Variants in NLRP9 observed in about 807,000 individuals in gnomAD.
NLRP9 encodes NLR family pyrin domain containing 9.
A neutral mutation model predicts 83.1 loss-of-function variants in NLRP9; 88 were observed. That is an observed-to-expected ratio of 1.06 (90% CI 0.89 to 1.26). The LOEUF (loss-of-function observed/expected upper bound fraction) is 1.26. NLRP9 is among the 50% of genes most tolerant of loss of function. The pLI is 0.00. For missense variants in NLRP9, 1,308 were observed against 1,179.3 expected (o/e 1.11, Z -1.60); for synonymous variants, 521 against 447.6 (o/e 1.16, Z -2.07).
Position 55,735,391 on chromosome 19 carries a change from G to A in NLRP9, c.281-1841C>T, listed in dbSNP as rs117542504. 9.5e-3 allele frequency among the ~76,000 whole-genome samples: 1,453 copies of A among 152,186 alleles called. 11 individuals are homozygous for A. The highest frequency in any genetic ancestry group is 0.011 in the Non-Finnish European group (775 of 68,012). On this transcript the variant is annotated intron_variant, in intron 1 of 8. Coordinates refer to ENST00000332836, the MANE Select transcript of NLRP9 (RefSeq NM_176820.4). The stretch of plus-strand genomic sequence containing the variant: ...GCACTTGAGGCCAGGAGTTCAAGAC[G>A]AGCTTGGCCAACATAGTGAGACTCC...
chr19:55,730,812 G>A (rs556226467), intron 2 of NLRP9, among the ~76,000 whole-genome samples: 7 of 152,042 alleles, frequency 4.6e-5, no homozygotes, highest in African/African-American at 1.7e-4. Flanking sequence ...GTGGATATCG[G>A]GCTTGATACC....
At chr19:55,731,221 G>A (rs1402903511) in intron 2 of NLRP9, among the ~76,000 whole-genome samples, 1 of 152,104 alleles carries the variant, frequency 6.6e-6, no homozygotes, top group Non-Finnish European at 1.5e-5. Flanking sequence ...AAAATCAGCA[G>A]AGGGAAAAGG....
At chr19:55,726,403 TG>T (rs1263715967) in intron 3 of NLRP9, among the ~76,000 whole-genome samples, 1 of 152,196 alleles carries the variant, frequency 6.6e-6, no homozygotes, top group Non-Finnish European at 1.5e-5. Context: ...TGATAAAAAA[TG>T]CAATTGCTGA....
intron 8 of NLRP9, chr19:55,711,243 TAAAA>T (rs1047163740): frequency 2.1e-5 from 10 of 470,264 alleles, no homozygotes; most frequent in Non-Finnish European, 2.5e-5. Flanking sequence ...ATTTGTTTTT[TAAAA>T]AATAAAAAAA....
Position 55,731,985 on chromosome 19 carries a change from A to T in NLRP9, c.1832+14T>A, listed in dbSNP as rs368430646. The stretch of plus-strand genomic sequence containing the variant: ...GTGTAGTGTGTGGGACGGGGGATTA[A>T]TAGACAGACTCACTCTGAGATGCAT... On this transcript the variant is annotated intron_variant, in intron 2 of 8. Transcript: ENST00000332836. 4.0e-6 allele frequency: 6 copies of T among 1,499,064 alleles called. No homozygotes were observed. The highest frequency in any genetic ancestry group is 5.4e-6 in the Non-Finnish European group (6 of 1,109,072). The allele number at this position is 1,499,064 out of a possible 1,614,324, so 92.9% of individuals were successfully genotyped here.
At chr19:55,711,272 TA>T (rs774470776) in intron 8 of NLRP9, 2 of 689,642 alleles carry the variant, frequency 2.9e-6, no homozygotes, top group African/African-American at 1.9e-5. Flanking sequence ...TTTTAAAAAT[TA>T]AAAAAATAAA....
chr19:55,721,317 G>A (rs1412343181), intron 4 of NLRP9, among the ~76,000 whole-genome samples: 1 of 152,156 alleles, frequency 6.6e-6, no homozygotes, highest in African/African-American at 2.4e-5. Flanking sequence ...CAATGACAAA[G>A]TAAAATGGCT....
chr19:55,715,036 A>G lies in NLRP9; in HGVS notation c.2501+19T>C, dbSNP rs200405165. On this transcript the variant is annotated intron_variant, in intron 6 of 8. Transcript: ENST00000332836. ...AAAAAAGAAACCCTGACATTGAAGCAAATCATGGCCGGTCCTACCACAGCT... is the reference window on the plus strand; with the variant it reads ...AAAAAAGAAACCCTGACATTGAAGCGAATCATGGCCGGTCCTACCACAGCT... The G allele has an allele frequency of 1.5e-4, 234 of 1,585,084 alleles. No individual in the cohort carries two copies. The highest frequency in any genetic ancestry group is 1.8e-4 in the Non-Finnish European group (214 of 1,167,336).
At chr19:55,715,667 A>G (rs1248366381) in intron 5 of NLRP9, among the ~76,000 whole-genome samples, 1 of 152,162 alleles carries the variant, frequency 6.6e-6, no homozygotes, top group African/African-American at 2.4e-5. Flanking sequence ...CTGGGCAACA[A>G]GAGCGAAACT....
chr19:55,709,297 TAAA>T (rs1461264427), intron 8 of NLRP9: 6 of 252,036 alleles, frequency 2.4e-5, no homozygotes, highest in Non-Finnish European at 3.0e-5. Flanking sequence ...GAATTTAAGT[TAAA>T]AAGAAAAACA....
chr19:55,712,089 C>T (rs2122278436), intron 7 of NLRP9, 119 bp from the exon 8 acceptor site: 1 of 1,022,052 alleles, frequency 9.8e-7, no homozygotes, highest in South Asian at 1.5e-5. Context: ...TAGACCCGGG[C>T]TTCTCAGCCA....
Position 55,732,446 on chromosome 19 carries a change from G to T in NLRP9, c.1385C>A (p.Pro462His), listed in dbSNP as rs148493750. Reference sequence around the variant, plus strand: ...AATGGCCGGGTTAGGATCGTCTTTGGGTCGTTTGAGCAAATAAAACATGGC... The same window carrying T: ...AATGGCCGGGTTAGGATCGTCTTTGTGTCGTTTGAGCAAATAAAACATGGC... Reference protein sequence around the residue: ...CAAMFYLLKRPKDDPNPAIGS... With the variant: ...CAAMFYLLKRHKDDPNPAIGS... Residue 462 changes from proline (P) to histidine (H), a missense_variant, in exon 2 of 9, where the codon CCC (proline) becomes CAC (histidine). Coordinates refer to ENST00000332836, the MANE Select transcript of NLRP9 (RefSeq NM_176820.4). The T allele has an allele frequency of 3.7e-5, 59 of 1,614,162 alleles. No homozygotes were observed. The East Asian group carries it at 1.2e-3, about 34-fold the overall frequency.
Position 55,732,619 on chromosome 19 carries a change from C to T in NLRP9, c.1212G>A (p.Trp404Ter), listed in dbSNP as rs775937123. 1.8e-5 allele frequency: 29 copies of T among 1,614,108 alleles called. No individual in the cohort carries two copies. The highest frequency in any genetic ancestry group is 2.0e-5 in the Non-Finnish European group (24 of 1,180,050). Residue 404 changes from tryptophan to a stop codon, truncating the protein, a stop_gained, in exon 2 of 9, where the codon TGG (tryptophan) becomes TGA (stop). Coordinates refer to ENST00000332836, the MANE Select transcript of NLRP9 (RefSeq NM_176820.4). LOFTEE classifies it high-confidence loss of function. ...CATGGGAAAATACAAATGTATATGT[C>T]CAAATTCCCTCTGCAGCCAAAGCAC... ...SLCALAAEGI[W>*]TYTFVFSHGD... is the part of the protein sequence containing the mutation.
intron 4 of NLRP9, among the ~76,000 whole-genome samples, chr19:55,720,424 C>T (rs183786909): frequency 6.6e-6 from 1 of 152,284 alleles, no homozygotes; most frequent in Admixed American, 6.5e-5. Context: ...CCTTTGGGCT[C>T]AAGAGATCCT....
Position 55,708,879 on chromosome 19 carries a change from C to CT in NLRP9, c.*32dup. 6.7e-7 allele frequency: 1 copy of CT among 1,489,662 alleles called. No individual in the cohort carries two copies. Among genetic ancestry groups the CT allele is most frequent in the South Asian group, 1.4e-5 (1 of 72,626 alleles). 92.3% of individuals were successfully genotyped at this position (1,489,662 alleles called of 1,614,324 possible). ...AGGTCCCACTGTGGCCAAGGAAAGC[C>CT]TTTGTGAGACGACTACTTCAGGGTG... On this transcript the variant is annotated 3_prime_UTR_variant, in exon 9 of 9. Transcript: ENST00000332836.
In NLRP9 at chr19:55,732,430, G is replaced by A. The variant is rs774445450; in HGVS notation, c.1401C>T (p.Asn467=). 1.2e-6 allele frequency: 2 copies of A among 1,614,128 alleles called. No individual in the cohort carries two copies. The highest frequency in any genetic ancestry group is 1.1e-5 in the South Asian group (1 of 91,082). The change falls in exon 2 of 9, where the codon AAC becomes AAT. Residue 467 remains asparagine (N), a synonymous_variant. Coordinates refer to ENST00000332836, the MANE Select transcript of NLRP9 (RefSeq NM_176820.4). The stretch of plus-strand genomic sequence containing the variant: ...GCTGGGTTATGCTTCCAATGGCCGG[G>A]TTAGGATCGTCTTTGGGTCGTTTGA... The part of the protein sequence containing the change: ...YLLKRPKDDP[N]PAIGSITQLV...
rs945847859 is a variant in NLRP9 at position 55,712,357 on chromosome 19, T to A, written c.2672+63A>T. 29 of 1,405,152 alleles carry A rather than the reference T, an allele frequency of 2.1e-5. No homozygotes were observed. In the African/African-American group the frequency reaches 4.0e-4, roughly 19 times the overall value. 87.0% of individuals were successfully genotyped at this position (1,405,152 alleles called of 1,614,324 possible). On this transcript the variant is annotated intron_variant, in intron 7 of 8. Transcript: ENST00000332836. ...TGCCTCCCTTCCATTCTATTGACCC[T>A]CCAGCAATTCCTATTCTTGAAATAG...
In NLRP9 at chr19:55,724,164, A is replaced by G; in HGVS notation, c.1995-20T>C. ...GTAAATCTGCAAAAGATTAAAAAAA[A>G]AATAGCATCATGCAATGAGATCCCA... On this transcript the variant is annotated intron_variant, in intron 3 of 8. Transcript: ENST00000332836. The G allele has an allele frequency of 6.3e-7, 1 of 1,577,158 alleles. No homozygotes were observed. Among genetic ancestry groups the G allele is most frequent in the Non-Finnish European group, 8.7e-7 (1 of 1,153,660 alleles).
chr19:55,709,529 A>G (rs938105429), intron 8 of NLRP9: 2 of 152,460 alleles, frequency 1.3e-5, no homozygotes, highest in Non-Finnish European at 2.9e-5. Context: ...TGCTACACCC[A>G]TAAATATGTC....
Sources: gnomAD v4.1 joint callset for allele counts (sites outside exome capture counted in the v4.1 genomes callset) on GRCh38, gnomAD v4.1.1 for gene constraint, MANE v1.5 for transcripts, NCBI Gene and HGNC (gene_info 2026-07-23, HGNC 2026-07-21) for gene names.